The following CSMD1 variants were observed in gnomAD, a reference collection of about 807,000 sequenced individuals.
CSMD1 encodes the protein CUB and Sushi multiple domains 1.
CSMD1 carries 213 observed loss-of-function variants against 417.5 expected under a neutral mutation model. That is an observed-to-expected ratio of 0.51 (90% CI 0.46 to 0.57). The LOEUF (loss-of-function observed/expected upper bound fraction) is 0.57. Ranked by LOEUF, CSMD1 falls within the 20% of genes least tolerant of loss-of-function variation. The pLI, the probability that CSMD1 is intolerant of heterozygous loss-of-function variation, is 0.00. For synonymous variants in CSMD1, 2,862 were observed against 1,736.8 expected (o/e 1.65, Z -16.11); for missense variants, 6,923 against 4,529.7 (o/e 1.53, Z -15.17).
chr8:4,582,802 C>T (rs1186064936), intron 2 of CSMD1, among the ~76,000 whole-genome samples: 2 of 152,236 alleles, frequency 1.3e-5, no homozygotes, highest in Non-Finnish European at 2.9e-5. Flanking sequence ...GGAGCCCACT[C>T]CCTCAGCTTG....
chr8:4,195,169 G>C (rs1053962911), intron 3 of CSMD1, among the ~76,000 whole-genome samples: 4 of 152,156 alleles, frequency 2.6e-5, no homozygotes, highest in African/African-American at 9.7e-5. Context: ...GAACATGTGT[G>C]TACACTGACT....
chr8:3,824,938 A>G (rs1344648075), intron 5 of CSMD1, among the ~76,000 whole-genome samples: 1 of 151,748 alleles, frequency 6.6e-6, no homozygotes, highest in Non-Finnish European at 1.5e-5. Flanking sequence ...AAACCGCAAC[A>G]ATGATTAATC....
rs1312651459 is a variant in CSMD1 at position 3,241,668 on chromosome 8, C to T, written c.4154-11437G>A. On this transcript the variant is annotated intron_variant, in intron 26 of 69. Transcript: ENST00000635120. ...ATTCCTTGGCCTGGTGGCCAGATTT[C>T]TGGCACTTGTAGCAAGCTCCTGGGG... 5.3e-5 allele frequency among the ~76,000 whole-genome samples: 8 copies of T among 152,248 alleles called. No homozygotes were observed. In the East Asian group the frequency reaches 1.4e-3, roughly 26 times the overall value.
At chr8:4,801,687 C>A (rs889662344) in intron 1 of CSMD1, among the ~76,000 whole-genome samples, 3 of 151,918 alleles carry the variant, frequency 2.0e-5, no homozygotes, top group Non-Finnish European at 4.4e-5. Flanking sequence ...GGAGCCCTGT[C>A]CTTCTACACA....
At chr8:3,194,078 G>C (rs1039440170) in intron 33 of CSMD1, among the ~76,000 whole-genome samples, 2 of 152,078 alleles carry the variant, frequency 1.3e-5, no homozygotes, top group African/African-American at 4.8e-5. Flanking sequence ...AAATCAGGTT[G>C]GACAAGCCAT....
At chr8:3,555,163 A>C (rs1251020811) in intron 10 of CSMD1, among the ~76,000 whole-genome samples, 1 of 151,920 alleles carries the variant, frequency 6.6e-6, no homozygotes, top group Non-Finnish European at 1.5e-5. Flanking sequence ...GAAAACAAGC[A>C]GAATGGGGAG....
intron 5 of CSMD1, among the ~76,000 whole-genome samples, chr8:3,771,016 G>C (rs539595772): frequency 3.3e-5 from 3 of 89,776 alleles, no homozygotes; most frequent in African/African-American, 4.9e-5. Context: ...CTGTCAGTGT[G>C]TCTGTGTGTG....
intron 5 of CSMD1, among the ~76,000 whole-genome samples, chr8:3,866,651 A>C (rs1805125545): frequency 6.7e-6 from 1 of 150,136 alleles, no homozygotes; most frequent in Non-Finnish European, 1.5e-5. Context: ...GTGATTCAGG[A>C]AATAATAAGC....
intron 3 of CSMD1, among the ~76,000 whole-genome samples, chr8:4,291,471 T>C (rs1272861607): frequency 6.6e-6 from 1 of 152,196 alleles, no homozygotes; most frequent in Non-Finnish European, 1.5e-5. Flanking sequence ...TATTTTTCTT[T>C]TTTATCTACT....
intron 10 of CSMD1, among the ~76,000 whole-genome samples, chr8:3,532,925 T>C (rs147261320): frequency 4.3e-4 from 66 of 152,310 alleles, no homozygotes; most frequent in Middle Eastern, 3.4e-3. Context: ...AACCATGACA[T>C]AGCACATATA....
chr8:4,102,871 C>A (rs762629284), intron 3 of CSMD1, among the ~76,000 whole-genome samples: 1 of 152,202 alleles, frequency 6.6e-6, no homozygotes, highest in Non-Finnish European at 1.5e-5. Context: ...AACCAGCGCC[C>A]TTACCTCTGC....
intron 3 of CSMD1, among the ~76,000 whole-genome samples, chr8:4,200,392 G>GA (rs1267446791): frequency 6.6e-6 from 1 of 151,898 alleles, no homozygotes; most frequent in Admixed American, 6.6e-5. Context: ...TTAAAAAGCA[G>GA]AAAAAAATTA....
At chr8:4,446,167 T>C (rs770365053) in intron 2 of CSMD1, among the ~76,000 whole-genome samples, 1 of 152,220 alleles carries the variant, frequency 6.6e-6, no homozygotes, top group African/African-American at 2.4e-5. Context: ...CCATACTTCA[T>C]AAATGACGCA....
intron 6 of CSMD1, among the ~76,000 whole-genome samples, chr8:3,716,250 A>G (rs1657335460): frequency 6.6e-6 from 1 of 152,246 alleles, no homozygotes; most frequent in East Asian, 1.9e-4. Context: ...AGACCCCAAG[A>G]GAGTGTTCTT....
intron 65 of CSMD1, among the ~76,000 whole-genome samples, chr8:2,951,833 T>G (rs538120825): frequency 6.6e-6 from 1 of 152,332 alleles, no homozygotes; most frequent in African/African-American, 2.4e-5. Flanking sequence ...AGTCCCTCTC[T>G]GTCATTCATA....
chr8:4,624,209 T>C lies in CSMD1; in HGVS notation c.302+13133A>G, dbSNP rs534298600. Among the ~76,000 whole-genome samples the C allele has an allele frequency of 3.3e-5, 5 of 152,246 alleles. No individual in the cohort carries two copies. The South Asian group carries it at 1.0e-3, about 32-fold the overall frequency. ...GTTCCAAGAATGAGATGACCTCTAT[T>C]TGTCTAAAGCCCCTGATAACGTGCA... On this transcript the variant is annotated intron_variant, in intron 2 of 69. Coordinates refer to ENST00000635120, the MANE Select transcript of CSMD1 (RefSeq NM_033225.6).
chr8:4,642,237 G>A (rs982829113), intron 1 of CSMD1, among the ~76,000 whole-genome samples: 1 of 152,178 alleles, frequency 6.6e-6, no homozygotes, highest in African/African-American at 2.4e-5. Flanking sequence ...CCTCTTGGAG[G>A]CCGGAAAACA....
At chr8:4,985,805 A>C (rs1368609207) in intron 1 of CSMD1, among the ~76,000 whole-genome samples, 2 of 147,558 alleles carry the variant, frequency 1.4e-5, no homozygotes, top group Non-Finnish European at 2.9e-5. Context: ...CTGAAACCAT[A>C]AGACAAAAAC....
chr8:4,822,470 T>C (rs1471027344), intron 1 of CSMD1, among the ~76,000 whole-genome samples: 1 of 152,138 alleles, frequency 6.6e-6, no homozygotes, highest in Non-Finnish European at 1.5e-5. Context: ...TCAGTTTACG[T>C]GGATTGTAAC....
Sources: gnomAD v4.1 joint callset for allele counts (sites outside exome capture counted in the v4.1 genomes callset) on GRCh38, gnomAD v4.1.1 for gene constraint, MANE v1.5 for transcripts, NCBI Gene and HGNC (gene_info 2026-07-23, HGNC 2026-07-21) for gene names.